Variants in TACC2 observed in about 807,000 individuals in gnomAD.
TACC2 encodes transforming acidic coiled-coil-containing protein 2.
A neutral mutation model predicts 227.3 loss-of-function variants in TACC2; 137 were observed. The ratio of observed to expected loss-of-function variants is 0.60; its 90% confidence interval spans 0.52 to 0.69. The LOEUF is 0.69. Ranked by LOEUF, TACC2 falls within the 30% of genes least tolerant of loss-of-function variation. The probability of loss-of-function intolerance (pLI) is 0.00; values close to 1 mark genes in which losing one functional copy is unlikely to be tolerated. For missense variants in TACC2, 3,470 were observed against 3,694.4 expected (o/e 0.94, Z 1.57); for synonymous variants, 1,523 against 1,487.5 (o/e 1.02, Z -0.55).
chr10:122,210,711 G>A lies in TACC2; in HGVS notation c.6286G>A (p.Gly2096Ser). The A allele has an allele frequency of 6.2e-7, 1 of 1,614,086 alleles. No individual in the cohort carries two copies. Among genetic ancestry groups the A allele is most frequent in the South Asian group, 1.1e-5 (1 of 91,066 alleles). The part of the protein sequence containing the change: ...SLSLQASDFD[G>S]ASSSGNPEAV... The stretch of plus-strand genomic sequence containing the variant: ...CAGCCTGCAAGCCAGTGACTTTGAT[G>A]GTGCTTCTTCCTCAGGCAATCCCGA... The change falls in exon 9 of 23, where the codon GGT (glycine) becomes AGT (serine). Residue 2096 changes from glycine to serine, a missense_variant. This residue lies in a region of TACC2 where 593 missense variants were observed against 636.6 expected (regional missense o/e 0.93). Coordinates refer to ENST00000369005, the MANE Select transcript of TACC2 (RefSeq NM_206862.4). This position sits in a 1 kb window ranked among gnomAD's most constrained non-coding sequence, Gnocchi z 4.6.
intron 5 of TACC2, among the ~76,000 whole-genome samples, chr10:122,132,071 AAAG>A (rs2088348724): frequency 7.0e-6 from 1 of 143,086 alleles, no homozygotes; most frequent in Non-Finnish European, 1.5e-5. Context: ...AAAGAAAAAG[AAAG>A]AAAGAAAGAG....
intron 7 of TACC2, among the ~76,000 whole-genome samples, chr10:122,179,383 AGAATCTCTTG>A (rs1450715772): frequency 6.6e-6 from 1 of 152,250 alleles, no homozygotes; most frequent in Non-Finnish European, 1.5e-5. Context: ...TAAAGGATTC[AGAATCTCTTG>A]GAATTAAGAA....
chr10:122,051,226 A>T (rs2075642975), intron 3 of TACC2: 1 of 152,064 alleles, frequency 6.6e-6, no homozygotes, highest in Non-Finnish European at 1.5e-5. Flanking sequence ...CATTTTTTGT[A>T]TTTTTAGTAG....
chr10:122,028,068 TTTTC>T (rs1469683562), intron 2 of TACC2, among the ~76,000 whole-genome samples: 9 of 136,762 alleles, frequency 6.6e-5, no homozygotes, highest in South Asian at 2.3e-4. Flanking sequence ...TTTTTTTCTT[TTTTC>T]TTTCTTTCTT....
chr10:122,120,310 A>G (rs775708970), intron 5 of TACC2, among the ~76,000 whole-genome samples: 2 of 152,168 alleles, frequency 1.3e-5, no homozygotes, highest in African/African-American at 4.8e-5. Context: ...TTTCTCAGCC[A>G]GGAGACCCTG....
intron 7 of TACC2, among the ~76,000 whole-genome samples, chr10:122,161,834 G>C (rs1174351476): frequency 6.6e-6 from 1 of 152,240 alleles, no homozygotes; most frequent in Admixed American, 6.5e-5. Context: ...AGTAGCCCAG[G>C]TTAGAGCTTA....
At chr10:122,008,950 T>A (rs1446405773) in intron 1 of TACC2, among the ~76,000 whole-genome samples, 1 of 152,238 alleles carries the variant, frequency 6.6e-6, no homozygotes, top group Admixed American at 6.5e-5. Context: ...AGACATTTTT[T>A]AAAGAATTTT....
At chr10:122,077,381 T>G (rs2078937202) in intron 3 of TACC2, among the ~76,000 whole-genome samples, 1 of 152,108 alleles carries the variant, frequency 6.6e-6, no homozygotes, top group Admixed American at 6.6e-5. Flanking sequence ...TCACCAACCA[T>G]AGTGATGGGA....
chr10:122,187,737 C>T (rs1359612042), intron 7 of TACC2, among the ~76,000 whole-genome samples: 1 of 152,070 alleles, frequency 6.6e-6, no homozygotes, highest in African/African-American at 2.4e-5. Flanking sequence ...GTAATTCGTC[C>T]CACCTCGGGC....
intron 19 of TACC2, among the ~76,000 whole-genome samples, chr10:122,243,125 G>T (rs2096040085): frequency 6.6e-6 from 1 of 152,142 alleles, no homozygotes; most frequent in South Asian, 2.1e-4. Flanking sequence ...TGTATTTTTA[G>T]TAGAGACGGG....
chr10:122,058,852 G>A (rs1417998866), intron 3 of TACC2, among the ~76,000 whole-genome samples: 2 of 150,802 alleles, frequency 1.3e-5, no homozygotes, highest in African/African-American at 4.9e-5. Flanking sequence ...TAAAGTGAGA[G>A]CTAGGCCATG....
intron 8 of TACC2, among the ~76,000 whole-genome samples, chr10:122,207,004 A>AG (rs905134004): frequency 6.6e-6 from 1 of 152,182 alleles, no homozygotes; most frequent in Non-Finnish European, 1.5e-5. Flanking sequence ...GAAATCCAGT[A>AG]GGGGAGCAGG....
chr10:122,121,168 G>A (rs1310652904), intron 5 of TACC2, among the ~76,000 whole-genome samples: 1 of 152,204 alleles, frequency 6.6e-6, no homozygotes, highest in Non-Finnish European at 1.5e-5. Context: ...CAGGAGAGGC[G>A]GGAGGGAGGG....
intron 2 of TACC2, chr10:122,022,924 C>A (rs1957496724): frequency 6.6e-6 from 1 of 152,230 alleles, no homozygotes; most frequent in African/African-American, 2.4e-5. Context: ...CAGGAAGACA[C>A]TTTCTCATTT....
chr10:122,183,519 A>T (rs1593042060), intron 7 of TACC2, among the ~76,000 whole-genome samples: 2 of 152,092 alleles, frequency 1.3e-5, no homozygotes, highest in Admixed American at 1.3e-4. Context: ...TGCAGCTGGG[A>T]TGGCATGGCA....
chr10:122,108,416 A>G (rs11200401), intron 5 of TACC2, among the ~76,000 whole-genome samples: 21 of 139,786 alleles, frequency 1.5e-4, no homozygotes, highest in African/African-American at 4.8e-4. Flanking sequence ...GTGTGTGTGT[A>G]TATATATATG....
chr10:122,015,013 T>C (rs1480621988), intron 1 of TACC2, among the ~76,000 whole-genome samples: 1 of 152,148 alleles, frequency 6.6e-6, no homozygotes, highest in East Asian at 1.9e-4. Flanking sequence ...ATATTGTTCA[T>C]TGAATGCAGG....
chr10:122,190,195 T>C (rs1439113833), intron 7 of TACC2, among the ~76,000 whole-genome samples: 3 of 152,228 alleles, frequency 2.0e-5, no homozygotes, highest in Non-Finnish European at 4.4e-5. Context: ...ACTATTTTGT[T>C]GTCGTAGTTC....
intron 5 of TACC2, among the ~76,000 whole-genome samples, chr10:122,130,430 A>T (rs1356893197): frequency 6.6e-6 from 1 of 151,968 alleles, no homozygotes; most frequent in Non-Finnish European, 1.5e-5. Flanking sequence ...GGGTCAGGGT[A>T]TACTCTTCCT....
Sources: gnomAD v4.1 joint callset for allele counts (sites outside exome capture counted in the v4.1 genomes callset) on GRCh38, gnomAD v4.1.1 for gene constraint, gnomAD v4.1.1 regional missense constraint, Gnocchi (gnomAD v3.1) non-coding constraint, MANE v1.5 for transcripts, NCBI Gene and HGNC (gene_info 2026-07-23, HGNC 2026-07-21) for gene names.